The following RGS6 variants were observed in gnomAD, a reference collection of about 807,000 sequenced individuals.
RGS6 encodes the protein regulator of G-protein signaling 6.
Under a neutral mutation model 78.5 loss-of-function variants are expected in RGS6, and 30 were observed. The observed-to-expected ratio is 0.38, with a 90% CI of 0.29 to 0.52. RGS6 has a LOEUF of 0.52. Ranked by LOEUF, RGS6 falls within the 20% of genes least tolerant of loss-of-function variation. RGS6 has a pLI of 0.85. For synonymous variants in RGS6, 206 were observed against 206.0 expected (o/e 1.00, Z 0.00); for missense variants, 495 against 609.7 (o/e 0.81, Z 1.98).
At chr14:72,356,271 T>C (rs1596203780) in intron 3 of RGS6, among the ~76,000 whole-genome samples, 1 of 151,882 alleles carries the variant, frequency 6.6e-6, no homozygotes, top group South Asian at 2.1e-4. Flanking sequence ...AGCGAGTGAG[T>C]TCTCACAAGA....
chr14:71,885,814 C>T, the RGS6 span, among the ~76,000 whole-genome samples: 2 of 152,184 alleles, frequency 1.3e-5, no homozygotes, highest in Non-Finnish European at 2.9e-5. Context: ...TTCTCTTTCA[C>T]CCATATAGTG....
chr14:72,284,660 C>T (rs2062183034), intron 2 of RGS6, among the ~76,000 whole-genome samples: 1 of 152,186 alleles, frequency 6.6e-6, no homozygotes, highest in Admixed American at 6.5e-5. Flanking sequence ...GGGATTGAAG[C>T]CCCCACACAG....
intron 11 of RGS6, 126 bp from the exon 12 acceptor site, chr14:72,478,142 A>C: frequency 6.0e-6 from 4 of 665,886 alleles, no homozygotes; most frequent in Non-Finnish European, 1.1e-5. Context: ...GAGCTGAGGG[A>C]GTTGGAGATG....
chr14:72,040,449 C>T (rs528922925), intron 2 of RGS6, among the ~76,000 whole-genome samples: 16 of 151,780 alleles, frequency 1.1e-4, no homozygotes, highest in Admixed American at 2.0e-4. Flanking sequence ...TTCCTTCTGG[C>T]GTATAAACTT....
chr14:72,324,931 A>C (rs2073289745), intron 2 of RGS6, among the ~76,000 whole-genome samples: 1 of 152,356 alleles, frequency 6.6e-6, no homozygotes, highest in African/African-American at 2.4e-5. Context: ...GAATTACCAC[A>C]CTGTCTTCCA....
At chr14:72,180,491 A>T (rs1470770621) in intron 2 of RGS6, among the ~76,000 whole-genome samples, 1 of 152,222 alleles carries the variant, frequency 6.6e-6, no homozygotes, top group African/African-American at 2.4e-5. Context: ...CCTTGAGAAA[A>T]TCTCAGTCTT....
At chr14:72,198,386 A>G (rs112692330) in intron 2 of RGS6, among the ~76,000 whole-genome samples, 2 of 152,272 alleles carry the variant, frequency 1.3e-5, no homozygotes, top group African/African-American at 4.8e-5. Flanking sequence ...AACATCTTGC[A>G]TAAGGCCCAG....
At chr14:71,885,439 A>C in the RGS6 span, among the ~76,000 whole-genome samples, 1 of 152,234 alleles carries the variant, frequency 6.6e-6, no homozygotes, top group Non-Finnish European at 1.5e-5. Flanking sequence ...GATTTGAAAA[A>C]TTAAAAGTAT....
Position 72,527,924 on chromosome 14 carries a change from G to C in RGS6, c.1279-8262G>C, listed in dbSNP as rs8010981. ...CACACACCTACAAAAAGAAAAATAG[G>C]ATACTTGAAAATCACAAGAAGAGCT... On this transcript the variant is annotated intron_variant, in intron 15 of 17. Transcript: ENST00000553525. Among the ~76,000 whole-genome samples, 864 of 152,280 alleles carry C rather than the reference G, an allele frequency of 5.7e-3. 3 individuals carry two copies. Among genetic ancestry groups the C allele is most frequent in the Middle Eastern group, 0.017 (5 of 294 alleles).
chr14:72,255,258 T>C (rs2056824633), intron 2 of RGS6, among the ~76,000 whole-genome samples: 1 of 152,260 alleles, frequency 6.6e-6, no homozygotes, highest in South Asian at 2.1e-4. Context: ...CCCAGGGTGA[T>C]GAGGTAGGTC....
In RGS6 at chr14:71,964,759, T is replaced by C. The variant is rs2093416654; in HGVS notation, c.-20-13T>C. On this transcript the variant is annotated splice_polypyrimidine_tract_variant and intron_variant, in intron 1 of 17. Coordinates refer to ENST00000553525, the MANE Select transcript of RGS6 (RefSeq NM_001204424.2). Reference sequence around the variant, plus strand: ...CCTTCGTGACTTAATGGTTTATTCATTTATTTTTGCAGTGTGAGTGAAGAC... The same window carrying C: ...CCTTCGTGACTTAATGGTTTATTCACTTATTTTTGCAGTGTGAGTGAAGAC... 2 of 1,559,034 alleles carry C rather than the reference T, an allele frequency of 1.3e-6. No homozygotes were observed. The highest frequency in any genetic ancestry group is 8.8e-7 in the Non-Finnish European group (1 of 1,139,130).
intron 2 of RGS6, among the ~76,000 whole-genome samples, chr14:72,027,606 T>C (rs558851565): frequency 3.3e-5 from 5 of 152,260 alleles, no homozygotes; most frequent in African/African-American, 1.2e-4. Context: ...TTGGTCACTT[T>C]GTTGCAAAGC....
intron 3 of RGS6, among the ~76,000 whole-genome samples, chr14:72,391,682 T>C (rs559350078): frequency 6.6e-6 from 1 of 152,318 alleles, no homozygotes; most frequent in Admixed American, 6.5e-5. Context: ...ATGTGCCATG[T>C]TGGTTTGCTG....
At chr14:71,883,965 C>A in the RGS6 span, among the ~76,000 whole-genome samples, 7 of 152,208 alleles carry the variant, frequency 4.6e-5, no homozygotes, top group Non-Finnish European at 1.0e-4. Context: ...CTATAAGTAT[C>A]CTTAGTCCAG....
intron 2 of RGS6, among the ~76,000 whole-genome samples, chr14:72,213,970 A>G (rs1285935342): frequency 2.6e-5 from 4 of 152,012 alleles, no homozygotes; most frequent in African/African-American, 9.7e-5. Flanking sequence ...CTATTATCAC[A>G]TTGTGCTGAA....
intron 1 of RGS6, among the ~76,000 whole-genome samples, chr14:71,940,708 G>A (rs896167585): frequency 6.6e-6 from 1 of 152,220 alleles, no homozygotes. Context: ...GTAGTTGAGT[G>A]ACTGTGGTTC....
At chr14:72,579,253 G>A in the RGS6 span, among the ~76,000 whole-genome samples, 1 of 152,144 alleles carries the variant, frequency 6.6e-6, no homozygotes, top group African/African-American at 2.4e-5. Context: ...ACCACCACCT[G>A]GAAGCCCCTG....
intron 3 of RGS6, among the ~76,000 whole-genome samples, chr14:72,434,106 CAGG>C (rs1243302912): frequency 6.6e-6 from 1 of 152,204 alleles, no homozygotes; most frequent in Non-Finnish European, 1.5e-5. Context: ...GAAACTGAGG[CAGG>C]AGGATCTCTT....
chr14:72,034,390 A>G (rs1190384870), intron 2 of RGS6, among the ~76,000 whole-genome samples: 1 of 113,624 alleles, frequency 8.8e-6, no homozygotes, highest in African/African-American at 3.4e-5. Flanking sequence ...AAGGGTATTG[A>G]ATTCTTTTCA....
Sources: gnomAD v4.1 joint callset for allele counts (sites outside exome capture counted in the v4.1 genomes callset) on GRCh38, gnomAD v4.1.1 for gene constraint, MANE v1.5 for transcripts, NCBI Gene and HGNC (gene_info 2026-07-23, HGNC 2026-07-21) for gene names.